The following PITPNM2 variants were observed in gnomAD, a reference collection of about 807,000 sequenced individuals.
PITPNM2 encodes phosphatidylinositol transfer protein membrane associated 2.
Under a neutral mutation model 132.2 loss-of-function variants are expected in PITPNM2, and 35 were observed. The ratio of observed to expected loss-of-function variants is 0.26; its 90% CI spans 0.20 to 0.35. The LOEUF is 0.35. Ranked by LOEUF, PITPNM2 falls within the 10% of genes least tolerant of loss-of-function variation. PITPNM2 has a pLI of 1.00. For missense variants in PITPNM2, 1,332 were observed against 1,912.0 expected, an observed-to-expected ratio of 0.70 and a Z score of 5.66; for synonymous variants, 738 against 799.2, an observed-to-expected ratio of 0.92 and a Z score of 1.29.
At position 122,996,907 on chromosome 12, in the gene PITPNM2, G is replaced by A; in HGVS notation, c.1476C>T (p.Leu492=). 1 of 1,568,824 alleles carries A rather than the reference G, an allele frequency of 6.4e-7. No individual in the cohort carries two copies. Among genetic ancestry groups the A allele is most frequent in the Non-Finnish European group, 8.6e-7 (1 of 1,164,908 alleles). ...CSDAFALVSN[L]SPYSHDEGCL... The stretch of plus-strand genomic sequence containing the variant: ...AGCCTTCGTCATGGCTGTAGGGGCT[G>A]AGGCTGGGGAGAGGGGCCAGTCAAG... The change falls in exon 12 of 26, where the codon CTC becomes CTT. Residue 492 remains leucine, a synonymous_variant. Transcript: ENST00000320201.
At chr12:123,027,976 G>C (rs1032454104) in intron 3 of PITPNM2, among the ~76,000 whole-genome samples, 34 of 152,178 alleles carry the variant, frequency 2.2e-4, no homozygotes, top group Non-Finnish European at 4.1e-4. Context: ...CCACCCCCTC[G>C]TCCCTGCCTA....
chr12:123,025,329 A>G (rs1196633744), intron 3 of PITPNM2, among the ~76,000 whole-genome samples: 2 of 152,176 alleles, frequency 1.3e-5, no homozygotes, highest in Non-Finnish European at 2.9e-5. Context: ...GTCCCCTTCC[A>G]AAACAAAAAA....
In PITPNM2 at chr12:123,056,322, G is replaced by A. The variant is rs368364638; in HGVS notation, c.-95-21637C>T. Among the ~76,000 whole-genome samples, 51 of 152,342 alleles carry A rather than the reference G, an allele frequency of 3.3e-4. No individual in the cohort carries two copies. The South Asian group carries it at 0.01, about 31-fold the overall frequency. ...TGGAGAACTTAGCCGGAGCTTTCAGGCAGTCTGGGAGCCTACATGGAGGCG... is the reference window on the plus strand; with the variant it reads ...TGGAGAACTTAGCCGGAGCTTTCAGACAGTCTGGGAGCCTACATGGAGGCG... On this transcript the variant is annotated intron_variant, in intron 2 of 25. Transcript: ENST00000320201.
chr12:123,050,935 G>A (rs1403363598), intron 2 of PITPNM2, among the ~76,000 whole-genome samples: 1 of 152,158 alleles, frequency 6.6e-6, no homozygotes, highest in South Asian at 2.1e-4. Flanking sequence ...CATAACTTGG[G>A]CAGAAAAGGC....
At chr12:123,032,919 A>C (rs1473099875) in intron 3 of PITPNM2, among the ~76,000 whole-genome samples, 1 of 152,180 alleles carries the variant, frequency 6.6e-6, no homozygotes, top group Admixed American at 6.5e-5. Context: ...TTCCCAGCCA[A>C]GGCTCCCACA....
chr12:123,027,140 G>A (rs1037362097), intron 3 of PITPNM2, among the ~76,000 whole-genome samples: 95 of 152,096 alleles, frequency 6.2e-4, no homozygotes, highest in African/African-American at 2.0e-3. Flanking sequence ...CTCATCTCTC[G>A]GTGGGGCAGG....
chr12:123,141,070 G>C (rs897747442), intron 1 of PITPNM2, among the ~76,000 whole-genome samples: 4 of 152,144 alleles, frequency 2.6e-5, no homozygotes, highest in Non-Finnish European at 5.9e-5. Flanking sequence ...AGCACAGGCT[G>C]TGTAACAGAA....
chr12:122,995,635 A>T lies in PITPNM2; in HGVS notation c.1808T>A (p.Ile603Asn). 1.9e-6 allele frequency: 3 copies of T among 1,601,602 alleles called. No homozygotes were observed. Among genetic ancestry groups the T allele is most frequent in the Non-Finnish European group, 2.5e-6 (3 of 1,178,398 alleles). Residue 603 changes from isoleucine (I) to asparagine (N), a missense_variant, in exon 14 of 26, where the codon ATC (isoleucine) becomes AAC (asparagine). Physicochemically the swap from Ile to Asn is moderately radical, Grantham distance 149. This residue lies in a region of PITPNM2 where 710 missense variants were observed against 911.5 expected (regional missense o/e 0.78). Coordinates refer to ENST00000320201, the MANE Select transcript of PITPNM2 (RefSeq NM_020845.3). ...MQDNDLLSPG[I>N]LMNAAHCCGG... ...GCAGCAGTGTGCTGCATTCATCAGG[A>T]TGCCCGGGGACAGCAGGTCATTGTC...
At chr12:123,141,511 G>A (rs901596898) in intron 1 of PITPNM2, among the ~76,000 whole-genome samples, 2 of 152,146 alleles carry the variant, frequency 1.3e-5, no homozygotes, top group Non-Finnish European at 2.9e-5. Context: ...GCTGGGATAC[G>A]CCAGGGATGC....
At chr12:123,143,585 ACCC>A (rs1489973221) in intron 1 of PITPNM2, among the ~76,000 whole-genome samples, 1 of 151,914 alleles carries the variant, frequency 6.6e-6, no homozygotes, top group Non-Finnish European at 1.5e-5. Flanking sequence ...GGCCCCAGGA[ACCC>A]CCCATCTTGG....
At chr12:123,016,609 C>G (rs556791231) in intron 3 of PITPNM2, among the ~76,000 whole-genome samples, 1 of 134,634 alleles carries the variant, frequency 7.4e-6, no homozygotes, top group East Asian at 2.3e-4. Flanking sequence ...AAACAAAAAA[C>G]ACAATGAGAT....
intron 2 of PITPNM2, among the ~76,000 whole-genome samples, chr12:123,079,345 CTTTTCTTT>C (rs2041884320): frequency 1.1e-5 from 1 of 90,234 alleles, no homozygotes; most frequent in Non-Finnish European, 2.3e-5. Context: ...TTTCTTTTTT[CTTTTCTTT>C]TTTTTTTTTT....
chr12:123,080,359 CA>C (rs2041921440), intron 2 of PITPNM2, among the ~76,000 whole-genome samples: 1 of 152,188 alleles, frequency 6.6e-6, no homozygotes, highest in Non-Finnish European at 1.5e-5. Context: ...TCTGGAAATA[CA>C]GGCCAGGGTC....
intron 2 of PITPNM2, among the ~76,000 whole-genome samples, chr12:123,103,277 GGT>G (rs1171189828): frequency 6.6e-6 from 1 of 152,184 alleles, no homozygotes; most frequent in African/African-American, 2.4e-5. Flanking sequence ...AGGCTCCCTG[GGT>G]TTGCTCGTCT....
At chr12:123,146,530 G>T (rs1037191255) in intron 1 of PITPNM2, among the ~76,000 whole-genome samples, 3 of 152,004 alleles carry the variant, frequency 2.0e-5, no homozygotes, top group African/African-American at 7.3e-5. Context: ...GGAGGCAGAG[G>T]TTGCAGTGAG....
chr12:123,129,834 AAC>A (rs1394164067), intron 1 of PITPNM2, among the ~76,000 whole-genome samples: 1 of 152,020 alleles, frequency 6.6e-6, no homozygotes, highest in Non-Finnish European at 1.5e-5. Flanking sequence ...CGGGGAAAAC[AAC>A]ACACACACAT....
chr12:123,058,707 C>T lies in PITPNM2; in HGVS notation c.-95-24022G>A, dbSNP rs1227294054. 6.6e-6 allele frequency among the ~76,000 whole-genome samples: 1 copy of T among 152,148 alleles called. No individual in the cohort carries two copies. The highest frequency in any genetic ancestry group is 2.4e-5 in the African/African-American group (1 of 41,418). On this transcript the variant is annotated intron_variant, in intron 2 of 25. Transcript: ENST00000320201. The surrounding 1 kb of genome is among the most constrained non-coding windows in gnomAD (Gnocchi z 4.0). ...TTGCCTGAGGCATTTGCTCAAGGCCCCAAGCGCTGTAGAAGCTGGTAACTG... is the reference window on the plus strand; with the variant it reads ...TTGCCTGAGGCATTTGCTCAAGGCCTCAAGCGCTGTAGAAGCTGGTAACTG...
intron 2 of PITPNM2, among the ~76,000 whole-genome samples, chr12:123,052,636 A>C (rs1378286404): frequency 6.6e-6 from 1 of 152,196 alleles, no homozygotes; most frequent in Non-Finnish European, 1.5e-5. Context: ...TAACAAAATA[A>C]AATAAAATTT....
chr12:123,066,320 G>C (rs1383843719), intron 2 of PITPNM2, among the ~76,000 whole-genome samples: 1 of 152,158 alleles, frequency 6.6e-6, no homozygotes, highest in Admixed American at 6.5e-5. Flanking sequence ...CACACGGAGT[G>C]GGCTGGTGCA....
Sources: allele counts gnomAD v4.1 joint callset (sites outside exome capture counted in the v4.1 genomes callset), GRCh38; gene constraint gnomAD v4.1.1; regional missense constraint gnomAD v4.1.1; non-coding constraint Gnocchi (gnomAD v3.1); transcripts MANE v1.5; gene names NCBI Gene and HGNC (gene_info 2026-07-23, HGNC 2026-07-21).